Variants in UNC5D observed in about 807,000 individuals in gnomAD.
UNC5D encodes the protein netrin receptor UNC5D.
UNC5D carries 39 observed loss-of-function variants against 105.4 expected under a neutral mutation model. The observed-to-expected ratio is 0.37, with a 90% CI of 0.29 to 0.48. UNC5D has a LOEUF of 0.48. UNC5D is among the 20% of genes least tolerant of loss of function. The pLI, the probability that UNC5D is intolerant of heterozygous loss-of-function variation, is 0.98. For synonymous variants in UNC5D, 452 were observed against 450.4 expected (o/e 1.00, Z -0.04); for missense variants, 991 against 1,202.4 (o/e 0.82, Z 2.60).
intron 4 of UNC5D, among the ~76,000 whole-genome samples, chr8:35,648,592 T>C (rs990106459): frequency 6.9e-6 from 1 of 144,980 alleles, no homozygotes; most frequent in African/African-American, 2.6e-5. Context: ...GGCTGGAGAA[T>C]GGCTTGAACT....
At chr8:35,778,740 G>A (rs1463271375) in intron 16 of UNC5D, among the ~76,000 whole-genome samples, 1 of 152,172 alleles carries the variant, frequency 6.6e-6, no homozygotes, top group African/African-American at 2.4e-5. Context: ...AAAACAAGTG[G>A]AAGAAAACAT....
At chr8:35,249,665 A>C (rs934922900) in intron 1 of UNC5D, among the ~76,000 whole-genome samples, 1 of 151,866 alleles carries the variant, frequency 6.6e-6, no homozygotes, top group African/African-American at 2.4e-5. Context: ...TTTTAAAGTG[A>C]ATTCTGCATC....
intron 4 of UNC5D, among the ~76,000 whole-genome samples, chr8:35,661,753 T>C (rs1366922806): frequency 6.6e-6 from 1 of 152,182 alleles, no homozygotes; most frequent in African/African-American, 2.4e-5. Flanking sequence ...TTTACCACTT[T>C]TTGTAACCAT....
chr8:35,660,641 G>A (rs1266986036), intron 4 of UNC5D, among the ~76,000 whole-genome samples: 1 of 152,160 alleles, frequency 6.6e-6, no homozygotes, highest in Non-Finnish European at 1.5e-5. Context: ...GAACCAGAGA[G>A]GAGCAGAGTT....
chr8:35,717,783 T>C (rs551042614), intron 8 of UNC5D, among the ~76,000 whole-genome samples: 1 of 152,368 alleles, frequency 6.6e-6, no homozygotes, highest in East Asian at 1.9e-4. Context: ...AGGTGGTTAC[T>C]AGCTTCATCA....
At chr8:35,584,045 C>T (rs1158836154) in intron 3 of UNC5D, among the ~76,000 whole-genome samples, 1 of 152,082 alleles carries the variant, frequency 6.6e-6, no homozygotes, top group Non-Finnish European at 1.5e-5. Context: ...TACCCCCAGG[C>T]AACATAGACA....
At chr8:35,345,607 C>T (rs1021348949) in intron 1 of UNC5D, among the ~76,000 whole-genome samples, 2 of 152,018 alleles carry the variant, frequency 1.3e-5, no homozygotes, top group African/African-American at 2.4e-5. Flanking sequence ...GAAGAGTAAA[C>T]GTAGCTGTGT....
At chr8:35,275,715 T>C (rs1453486666) in intron 1 of UNC5D, among the ~76,000 whole-genome samples, 1 of 152,232 alleles carries the variant, frequency 6.6e-6, no homozygotes, top group Non-Finnish European at 1.5e-5. Context: ...AGTTTCCTCA[T>C]CTGTAAAATG....
chr8:35,636,852 A>T (rs1822407639), intron 4 of UNC5D, among the ~76,000 whole-genome samples: 1 of 152,178 alleles, frequency 6.6e-6, no homozygotes, highest in African/African-American at 2.4e-5. Context: ...TAATCCCAGC[A>T]ATGTTGCTGT....
chr8:35,785,165 A>T (rs1249605847), intron 16 of UNC5D, among the ~76,000 whole-genome samples: 1 of 151,958 alleles, frequency 6.6e-6, no homozygotes, highest in Non-Finnish European at 1.5e-5. Context: ...GTGTGCATTT[A>T]CCTGCCGGTG....
intron 1 of UNC5D, among the ~76,000 whole-genome samples, chr8:35,438,947 A>G (rs934603627): frequency 2.0e-5 from 3 of 152,018 alleles, no homozygotes; most frequent in Admixed American, 2.0e-4. Context: ...AAGTGGAGAT[A>G]AAAGGACCCC....
chr8:35,698,897 C>A lies in UNC5D; in HGVS notation c.1085-7032C>A, dbSNP rs917647988. 8.6e-5 allele frequency among the ~76,000 whole-genome samples: 13 copies of A among 151,984 alleles called. 1 individual carries two copies. Among genetic ancestry groups the A allele is most frequent in the African/African-American group, 2.9e-4 (12 of 41,370 alleles). ...CTTTTTGTTCCATTTTGAATATATA[C>A]AGTATATATTTCTATTGTGACTGGA... is the stretch of plus-strand genomic sequence containing the variant. On this transcript the variant is annotated intron_variant, in intron 7 of 16. Coordinates refer to ENST00000404895, the MANE Select transcript of UNC5D (RefSeq NM_080872.4).
chr8:35,388,436 G>T (rs1388097742), intron 1 of UNC5D, among the ~76,000 whole-genome samples: 1 of 152,080 alleles, frequency 6.6e-6, no homozygotes, highest in Admixed American at 6.5e-5. Context: ...GCCTAGCACT[G>T]AATCTCCAGT....
intron 1 of UNC5D, among the ~76,000 whole-genome samples, chr8:35,429,643 A>G (rs930474065): frequency 1.3e-5 from 2 of 152,156 alleles, no homozygotes; most frequent in African/African-American, 4.8e-5. Context: ...CATTTTATCA[A>G]TCTTATAACA....
intron 1 of UNC5D, among the ~76,000 whole-genome samples, chr8:35,295,078 G>A (rs1807381678): frequency 6.6e-6 from 1 of 152,094 alleles, no homozygotes; most frequent in Non-Finnish European, 1.5e-5. Context: ...ATAGCAACAG[G>A]AGGTGGCTAC....
chr8:35,440,043 A>G (rs2128982940), intron 1 of UNC5D, among the ~76,000 whole-genome samples: 1 of 152,108 alleles, frequency 6.6e-6, no homozygotes, highest in Middle Eastern at 3.4e-3. Context: ...TTCCCCCCAT[A>G]ACCCACCTTC....
intron 1 of UNC5D, among the ~76,000 whole-genome samples, chr8:35,498,371 A>G (rs1046857838): frequency 2.6e-5 from 4 of 152,130 alleles, no homozygotes; most frequent in Non-Finnish European, 4.4e-5. Context: ...TCTGTGAAGA[A>G]GAGAGATATG....
At chr8:35,635,251 T>G (rs951549628) in intron 4 of UNC5D, among the ~76,000 whole-genome samples, 10 of 152,188 alleles carry the variant, frequency 6.6e-5, no homozygotes, top group African/African-American at 2.2e-4. Context: ...TTTGAGTATT[T>G]GCACCAAGGC....
chr8:35,656,472 A>G (rs1823744048), intron 4 of UNC5D, among the ~76,000 whole-genome samples: 1 of 152,050 alleles, frequency 6.6e-6, no homozygotes, highest in Non-Finnish European at 1.5e-5. Context: ...TATTTTCCCC[A>G]TCATCCAAGG....
Sources: allele counts gnomAD v4.1 joint callset (sites outside exome capture counted in the v4.1 genomes callset), GRCh38; gene constraint gnomAD v4.1.1; transcripts MANE v1.5; gene names NCBI Gene and HGNC (gene_info 2026-07-23, HGNC 2026-07-21).